Variants in PPP4R4 observed in about 807,000 individuals in gnomAD.
PPP4R4 encodes serine/threonine-protein phosphatase 4 regulatory subunit 4.
PPP4R4 carries 70 observed loss-of-function variants against 121.8 expected under a neutral mutation model. That is an observed-to-expected ratio of 0.57 (90% CI 0.47 to 0.70). The LOEUF (loss-of-function observed/expected upper bound fraction) is 0.70. PPP4R4 is among the 30% of genes least tolerant of loss of function. The pLI is 0.00. For missense variants in PPP4R4, 875 were observed against 1,033.6 expected (o/e 0.85, Z 2.10); for synonymous variants, 348 against 355.7 (o/e 0.98, Z 0.24).
chr14:94,204,197 GTGATTAGTT>G (rs1890339367), intron 2 of PPP4R4, among the ~76,000 whole-genome samples: 1 of 152,250 alleles, frequency 6.6e-6, no homozygotes, highest in African/African-American at 2.4e-5. Flanking sequence ...AGGTTGAGAA[GTGATTAGTT>G]TTATGTTTTA....
At chr14:94,193,913 C>T (rs1889731008) in intron 2 of PPP4R4, among the ~76,000 whole-genome samples, 1 of 152,154 alleles carries the variant, frequency 6.6e-6, no homozygotes, top group Non-Finnish European at 1.5e-5. Flanking sequence ...TGGGGAATGT[C>T]ACATTTGGGT....
At chr14:94,175,119 C>T (rs1888606075) in intron 1 of PPP4R4, among the ~76,000 whole-genome samples, 1 of 151,872 alleles carries the variant, frequency 6.6e-6, no homozygotes, top group African/African-American at 2.4e-5. Context: ...CCAACTCCTC[C>T]CCCCACCTCT....
chr14:94,248,214 G>C (rs1327234777), intron 14 of PPP4R4, among the ~76,000 whole-genome samples: 14 of 152,162 alleles, frequency 9.2e-5, no homozygotes, highest in Admixed American at 7.2e-4. Context: ...CTGCAGTAAA[G>C]TTTCAGGTTG....
At chr14:94,254,813 C>T (rs1285175464) in intron 16 of PPP4R4, among the ~76,000 whole-genome samples, 1 of 152,104 alleles carries the variant, frequency 6.6e-6, no homozygotes, top group Non-Finnish European at 1.5e-5. Context: ...GAAATGCCTC[C>T]TCCTGGAAAG....
chr14:94,240,413 A>C (rs1831887909), intron 8 of PPP4R4, among the ~76,000 whole-genome samples: 1 of 151,930 alleles, frequency 6.6e-6, no homozygotes, highest in Non-Finnish European at 1.5e-5. Flanking sequence ...ATTCATAATC[A>C]CTCTTTATAT....
At chr14:94,247,828 T>C (rs1425847429) in intron 14 of PPP4R4, among the ~76,000 whole-genome samples, 1 of 152,202 alleles carries the variant, frequency 6.6e-6, no homozygotes. Context: ...ATCATCTCAA[T>C]GGATGCAGAA....
chr14:94,255,235 C>A (rs1455752247), intron 16 of PPP4R4, among the ~76,000 whole-genome samples: 1 of 152,136 alleles, frequency 6.6e-6, no homozygotes, highest in Non-Finnish European at 1.5e-5. Flanking sequence ...TAGATGAAAA[C>A]CTTAAATAAA....
rs5810667 is a variant in PPP4R4 at position 94,278,746 on chromosome 14, G to GTTT, written c.*112_*114dup. ...CTGGGGCTTTGTTTTTAAATTTTGG[G>GTTT]TTTTTTTTTTTGTTGTTGTTAATGA... On this transcript the variant is annotated 3_prime_UTR_variant, in exon 25 of 25. Coordinates refer to ENST00000304338, the MANE Select transcript of PPP4R4 (RefSeq NM_058237.2). The GTTT allele has an allele frequency of 1.5e-4, 150 of 973,748 alleles. No homozygotes were observed. The highest frequency in any genetic ancestry group is 6.9e-4 in the East Asian group (21 of 30,458). The allele number at this position is 973,748 out of a possible 1,614,324, so 60.3% of individuals were successfully genotyped here.
chr14:94,175,201 C>T (rs1197109215), intron 1 of PPP4R4, among the ~76,000 whole-genome samples: 3 of 151,164 alleles, frequency 2.0e-5, no homozygotes, highest in African/African-American at 7.3e-5. Flanking sequence ...GTCCTTCTGC[C>T]CTCGAGGTAG....
rs10148336 is a variant in PPP4R4, at chr14:94,216,007, C to T, written c.294+7441C>T. ...CTTTCAGTAAATTCCTAGTGGACAC[C>T]AGTGTTTTCACATATGCTTCCTAGT... On this transcript the variant is annotated intron_variant, in intron 3 of 24. Transcript: ENST00000304338. Among the ~76,000 whole-genome samples the T allele has an allele frequency of 2.0e-3, 303 of 152,176 alleles. 1 individual carries two copies. The highest frequency in any genetic ancestry group is 6.9e-3 in the African/African-American group (288 of 41,514).
intron 2 of PPP4R4, among the ~76,000 whole-genome samples, chr14:94,203,956 C>G (rs1049809910): frequency 6.6e-6 from 1 of 152,108 alleles, no homozygotes; most frequent in African/African-American, 2.4e-5. Context: ...TTCAAACATT[C>G]ATTTGCAAAT....
chr14:94,270,948 A>C (rs1894293913), intron 23 of PPP4R4, among the ~76,000 whole-genome samples: 1 of 151,874 alleles, frequency 6.6e-6, no homozygotes, highest in South Asian at 2.1e-4. Flanking sequence ...CAACAACAAA[A>C]AAAGACTCAA....
At chr14:94,198,622 C>G (rs1164296033) in intron 2 of PPP4R4, among the ~76,000 whole-genome samples, 1 of 152,134 alleles carries the variant, frequency 6.6e-6, no homozygotes, top group African/African-American at 2.4e-5. Context: ...CTAAGATTTT[C>G]TGCTGTTTTC....
At chr14:94,183,692 C>T (rs973976252) in intron 2 of PPP4R4, among the ~76,000 whole-genome samples, 1 of 152,082 alleles carries the variant, frequency 6.6e-6, no homozygotes, top group Non-Finnish European at 1.5e-5. Flanking sequence ...GAAATATTTT[C>T]ATCAATGTAA....
intron 3 of PPP4R4, among the ~76,000 whole-genome samples, chr14:94,220,358 G>A (rs146787811): frequency 6.6e-6 from 1 of 152,314 alleles, no homozygotes; most frequent in African/African-American, 2.4e-5. Flanking sequence ...AAAAGTGTCT[G>A]CTCTTAACCA....
At chr14:94,223,307 A>C (rs903173105) in intron 3 of PPP4R4, among the ~76,000 whole-genome samples, 7 of 152,224 alleles carry the variant, frequency 4.6e-5, no homozygotes, top group African/African-American at 1.7e-4. Flanking sequence ...GAGGCCTAGG[A>C]TGATATCTTT....
intron 17 of PPP4R4, among the ~76,000 whole-genome samples, chr14:94,258,269 C>T (rs1012685606): frequency 2.0e-5 from 3 of 152,176 alleles, no homozygotes; most frequent in African/African-American, 7.2e-5. Flanking sequence ...TTAGATTGAC[C>T]ATTGTTTTGA....
At chr14:94,188,081 CT>C (rs956754198) in intron 2 of PPP4R4, among the ~76,000 whole-genome samples, 31 of 151,980 alleles carry the variant, frequency 2.0e-4, no homozygotes, top group African/African-American at 6.3e-4. Context: ...TGTGGTGGTA[CT>C]TTTTTTTATA....
chr14:94,195,738 A>T (rs887733190), intron 2 of PPP4R4, among the ~76,000 whole-genome samples: 1 of 152,078 alleles, frequency 6.6e-6, no homozygotes, highest in South Asian at 2.1e-4. Flanking sequence ...CTCCTGGTTG[A>T]GAACCACTAG....
Sources: gnomAD v4.1 joint callset for allele counts (sites outside exome capture counted in the v4.1 genomes callset) on GRCh38, gnomAD v4.1.1 for gene constraint, MANE v1.5 for transcripts, NCBI Gene and HGNC (gene_info 2026-07-23, HGNC 2026-07-21) for gene names.